Variants in CCDC85C observed in about 807,000 individuals in gnomAD.
CCDC85C encodes coiled-coil domain containing 85C.
In CCDC85C, 18 loss-of-function variants were observed where a neutral mutation model predicts 38.3. The ratio of observed to expected loss-of-function variants is 0.47; its 90% CI spans 0.33 to 0.70. The LOEUF (loss-of-function observed/expected upper bound fraction) is 0.70. Among genes scored for constraint, CCDC85C ranks in the 30% least tolerant of loss-of-function variants. The probability of loss-of-function intolerance (pLI) is 0.03; values close to 1 mark genes in which losing one functional copy is unlikely to be tolerated. For synonymous variants in CCDC85C, 264 were observed against 293.8 expected (o/e 0.90, Z 1.04); for missense variants, 566 against 621.2 (o/e 0.91, Z 0.94).
intron 1 of CCDC85C, among the ~76,000 whole-genome samples, chr14:99,600,809 C>T (rs1035227253): frequency 6.6e-6 from 1 of 152,278 alleles, no homozygotes; most frequent in African/African-American, 2.4e-5. Context: ...GACTCATTAT[C>T]TCCCTCAGCT....
chr14:99,503,726 C>T lies in CCDC85C; in HGVS notation c.*11520G>A. 7.9e-7 allele frequency: 1 copy of T among 1,264,728 alleles called. No individual in the cohort carries two copies. The highest frequency in any genetic ancestry group is 1.1e-6 in the Non-Finnish European group (1 of 900,476). 78.3% of individuals were successfully genotyped at this position (1,264,728 alleles called of 1,614,324 possible). ...ATTCTTAGCCAACATTGTTTCTTTT[C>T]AGATCTAAATTGGCCTTAAATCTTA... On this transcript the variant is annotated 3_prime_UTR_variant, in exon 6 of 6. Transcript: ENST00000380243.
In CCDC85C at chr14:99,545,665, G is replaced by A. The variant is rs1220428541; in HGVS notation, c.794-9577C>T. 6.6e-6 allele frequency among the ~76,000 whole-genome samples: 1 copy of A among 152,112 alleles called. No homozygotes were observed. Among genetic ancestry groups the A allele is most frequent in the Non-Finnish European group, 1.5e-5 (1 of 68,036 alleles). On this transcript the variant is annotated intron_variant, in intron 1 of 5. Transcript: ENST00000380243. The surrounding 1 kb of genome is among the most constrained non-coding windows in gnomAD (Gnocchi z 4.7). ...TGGGAATCAGTGATAGATCTGGACT[G>A]TGTGCAGACATCAGCTAGTCCCGCC...
rs1251726489 is a variant in CCDC85C, at chr14:99,517,136, G to A, written c.1023C>T (p.Gly341=). 1 of 1,550,184 alleles carries A rather than the reference G, an allele frequency of 6.5e-7. No homozygotes were observed. Among genetic ancestry groups the A allele is most frequent in the East Asian group, 2.4e-5 (1 of 40,926 alleles). ...APELPSPPSA[G]YSPAGQKPEA... ...CGGGCTTCTGTCCTGCAGGGCTGTA[G>A]CCAGCAGAGGGGGGCGAGGGCAGCT... Residue 341 remains glycine, a synonymous_variant, in exon 4 of 6, where the codon GGC becomes GGT. Transcript: ENST00000380243.
chr14:99,529,088 T>C lies in CCDC85C; in HGVS notation c.868-6848A>G, dbSNP rs1380298789. Among the ~76,000 whole-genome samples, 3 of 152,200 alleles carry C rather than the reference T, an allele frequency of 2.0e-5. No homozygotes were observed. The East Asian group carries it at 5.8e-4, about 29-fold the overall frequency. On this transcript the variant is annotated intron_variant, in intron 2 of 5. Coordinates refer to ENST00000380243, the MANE Select transcript of CCDC85C (RefSeq NM_001144995.2). ...CCAGAGACATATTCCCAATCTGCAC[T>C]CAGATCAGGCGGTAGAGATGAAGGT...
At chr14:99,577,919 T>A (rs1595097537) in intron 1 of CCDC85C, among the ~76,000 whole-genome samples, 1 of 99,492 alleles carries the variant, frequency 1.0e-5, no homozygotes, top group Non-Finnish European at 2.0e-5. Flanking sequence ...CCCCCATCAG[T>A]GTGTGTGTGT....
intron 1 of CCDC85C, among the ~76,000 whole-genome samples, chr14:99,591,199 C>G (rs2055082100): frequency 1.3e-5 from 2 of 152,236 alleles, no homozygotes; most frequent in South Asian, 4.1e-4. Context: ...GATCCTGAAG[C>G]CTTTGCGGCC....
rs1286448549 is a variant in CCDC85C, at chr14:99,501,468, T to C, written c.*13778A>G. 2.6e-6 allele frequency: 3 copies of C among 1,164,778 alleles called. No homozygotes were observed. The highest frequency in any genetic ancestry group is 3.9e-6 in the Non-Finnish European group (3 of 778,100). The allele number at this position is 1,164,778 out of a possible 1,614,324, so 72.2% of individuals were successfully genotyped here. ...AGTATTTTAAAATAGGCAGAGACTT[T>C]ATGGACCATTTCATCTAAACCCCTC... On this transcript the variant is annotated 3_prime_UTR_variant, in exon 6 of 6. Coordinates refer to ENST00000380243, the MANE Select transcript of CCDC85C (RefSeq NM_001144995.2).
At position 99,522,007 on chromosome 14, in the gene CCDC85C, CAG is replaced by C. The variant is rs1897309407; in HGVS notation, c.975+124_975+125del. 7.1e-6 allele frequency: 5 copies of C among 704,256 alleles called. No homozygotes were observed. The South Asian group carries it at 7.1e-5, about 10-fold the overall frequency. 43.6% of individuals were successfully genotyped at this position (704,256 alleles called of 1,614,324 possible). On this transcript the variant is annotated intron_variant, in intron 3 of 5. Transcript: ENST00000380243. ...TGCCACACTGGATGGGACACGGACA[CAG>C]GGCCTAGGGCTGGGGCTGAACTCAG...
In CCDC85C at chr14:99,535,374, C is replaced by T; in HGVS notation, c.867+641G>A. On this transcript the variant is annotated intron_variant, in intron 2 of 5. Transcript: ENST00000380243. This position sits in a 1 kb window ranked among gnomAD's most constrained non-coding sequence, Gnocchi z 5.5. ...GCCCCCAACACCCAAGCGTGACTGC[C>T]CATAGCCTCCTCTCGGCAGCCCCCA... is the stretch of plus-strand genomic sequence containing the variant. 6.6e-6 allele frequency among the ~76,000 whole-genome samples: 1 copy of T among 152,168 alleles called. No homozygotes were observed. Among genetic ancestry groups the T allele is most frequent in the East Asian group, 1.9e-4 (1 of 5,188 alleles).
rs1366588141 is a variant in CCDC85C at position 99,604,135 on chromosome 14, G to A, written c.-176C>T. On this transcript the variant is annotated 5_prime_UTR_variant, in exon 1 of 6. Transcript: ENST00000380243. Reference sequence around the variant, plus strand: ...GCCCGCCGGGGCCGCCCGGGAGCCCGCGCGCCTCGGGGTTGACGAGCGGAG... The same window carrying A: ...GCCCGCCGGGGCCGCCCGGGAGCCCACGCGCCTCGGGGTTGACGAGCGGAG... 47 of 392,498 alleles carry A rather than the reference G, an allele frequency of 1.2e-4. 2 individuals are homozygous for A. In the South Asian group the frequency reaches 2.2e-3, roughly 19 times the overall value. The allele number at this position is 392,498 out of a possible 1,614,324, so 24.3% of individuals were successfully genotyped here.
rs970952917 is a variant in CCDC85C, at chr14:99,548,468, C to T, written c.794-12380G>A. On this transcript the variant is annotated intron_variant, in intron 1 of 5. Coordinates refer to ENST00000380243, the MANE Select transcript of CCDC85C (RefSeq NM_001144995.2). The surrounding 1 kb of genome is among the most constrained non-coding windows in gnomAD (Gnocchi z 4.9). Reference sequence around the variant, plus strand: ...CGCAGCGGATCAGAGAGCAGCCTGGCGCGGTTTCCTGCAGCTGAAGATGCT... The same window carrying T: ...CGCAGCGGATCAGAGAGCAGCCTGGTGCGGTTTCCTGCAGCTGAAGATGCT... Among the ~76,000 whole-genome samples, 5 of 151,974 alleles carry T rather than the reference C, an allele frequency of 3.3e-5. No individual in the cohort carries two copies. Among genetic ancestry groups the T allele is most frequent in the East Asian group, 1.9e-4 (1 of 5,188 alleles).
At chr14:99,574,997 T>C (rs1446161107) in intron 1 of CCDC85C, among the ~76,000 whole-genome samples, 1 of 152,138 alleles carries the variant, frequency 6.6e-6, no homozygotes. Flanking sequence ...GGCAAATGCC[T>C]TCAAGGAGGG....
At chr14:99,540,165 C>T (rs1057442542) in intron 1 of CCDC85C, among the ~76,000 whole-genome samples, 24 of 151,656 alleles carry the variant, frequency 1.6e-4, no homozygotes, top group Admixed American at 3.9e-4. Flanking sequence ...GGGGGGGGAA[C>T]GGATTAAACT....
chr14:99,507,352 G>A lies in CCDC85C; in HGVS notation c.*7894C>T. 1.8e-6 allele frequency: 1 copy of A among 566,808 alleles called. No homozygotes were observed. The highest frequency in any genetic ancestry group is 3.2e-6 in the Non-Finnish European group (1 of 314,204). The allele number at this position is 566,808 out of a possible 1,614,324, so 35.1% of individuals were successfully genotyped here. On this transcript the variant is annotated 3_prime_UTR_variant, in exon 6 of 6. Transcript: ENST00000380243. The stretch of plus-strand genomic sequence containing the variant: ...AGCACTTTGGGAGGCGGAGGCAGGA[G>A]AATCACCTGACCCCAGGAGTTCGAG...
chr14:99,556,033 G>A (rs1443077135), intron 1 of CCDC85C, among the ~76,000 whole-genome samples: 21 of 152,312 alleles, frequency 1.4e-4, no homozygotes, highest in African/African-American at 4.8e-4. Context: ...CAATGCAGTT[G>A]GAAAAATGTC....
intron 2 of CCDC85C, among the ~76,000 whole-genome samples, chr14:99,532,818 G>A (rs4905850): frequency 0.48 from 67,126 of 141,194 alleles, 16,138 homozygotes; most frequent in Admixed American, 0.6. Flanking sequence ...GTCTCACTCT[G>A]TTTCCCGGGT....
chr14:99,591,860 G>A (rs1197603952), intron 1 of CCDC85C, among the ~76,000 whole-genome samples: 2 of 150,296 alleles, frequency 1.3e-5, no homozygotes, highest in South Asian at 2.1e-4. Flanking sequence ...TCAGCCTCCC[G>A]AGTAACTGGG....
chr14:99,603,902 C>G lies in CCDC85C; in HGVS notation c.58G>C (p.Asp20His). The change falls in exon 1 of 6, where the codon GAC (aspartate) becomes CAC (histidine). Residue 20 changes from aspartate (D) to histidine (H), a missense_variant. By Grantham distance (81) the Asp-to-His change is moderately conservative (BLOSUM62 -1). Around this residue, in one of 3 missense-constraint regions of CCDC85C, gnomAD observed 269 missense variants for 308.2 expected, o/e 0.87. Coordinates refer to ENST00000380243, the MANE Select transcript of CCDC85C (RefSeq NM_001144995.2). This position sits in a 1 kb window ranked among gnomAD's most constrained non-coding sequence, Gnocchi z 7.5. ...TTGCTCCAGCGCAGCAGCTCCTCGT[C>G]CGGCACCTGGCTCAGCTCCTCCGAC... Reference protein sequence around the residue: ...AASEELSQVPDEELLRWSKEE... With the variant: ...AASEELSQVPHEELLRWSKEE... The G allele has an allele frequency of 6.7e-7, 1 of 1,488,352 alleles. No homozygotes were observed. Among genetic ancestry groups the G allele is most frequent in the Non-Finnish European group, 8.9e-7 (1 of 1,124,246 alleles). 92.2% of individuals were successfully genotyped at this position (1,488,352 alleles called of 1,614,324 possible).
rs1284938440 is a variant in CCDC85C, at chr14:99,572,153, C to T, written c.793+31014G>A. On this transcript the variant is annotated intron_variant, in intron 1 of 5. Transcript: ENST00000380243. This position sits in a 1 kb window ranked among gnomAD's most constrained non-coding sequence, Gnocchi z 4.4. ...ACATACCCTCCCAAGCCTGAGGGCTCAAATTCACAGGGTGGTGGTCCCTAG... is the reference window on the plus strand; with the variant it reads ...ACATACCCTCCCAAGCCTGAGGGCTTAAATTCACAGGGTGGTGGTCCCTAG... 6.6e-6 allele frequency among the ~76,000 whole-genome samples: 1 copy of T among 152,202 alleles called. No individual in the cohort carries two copies. The highest frequency in any genetic ancestry group is 1.9e-4 in the East Asian group (1 of 5,186).
Sources: allele counts gnomAD v4.1 joint callset (sites outside exome capture counted in the v4.1 genomes callset), GRCh38; gene constraint gnomAD v4.1.1; regional missense constraint gnomAD v4.1.1; non-coding constraint Gnocchi (gnomAD v3.1); transcripts MANE v1.5; gene names NCBI Gene and HGNC (gene_info 2026-07-23, HGNC 2026-07-21).